The following HIRA variants were observed in gnomAD, a reference collection of about 807,000 sequenced individuals.
HIRA encodes histone cell cycle regulator, also known as protein HIRA.
In HIRA, 13 loss-of-function variants were observed where a neutral mutation model predicts 126.6. That is an observed-to-expected ratio of 0.10 (90% CI 0.07 to 0.16). The LOEUF (loss-of-function observed/expected upper bound fraction) is 0.16. Among genes scored for constraint, HIRA ranks in the 10% least tolerant of loss-of-function variants. The probability of loss-of-function intolerance (pLI) is 1.00; values close to 1 mark genes in which losing one functional copy is unlikely to be tolerated. For synonymous variants in HIRA, 511 were observed against 520.0 expected (o/e 0.98, Z 0.24); for missense variants, 834 against 1,314.4 (o/e 0.63, Z 5.65).
At chr22:19,431,306 G>T (rs1487191972) in intron 1 of HIRA, 134 bp downstream of exon 1, 1 of 1,003,534 alleles carries the variant, frequency 1.0e-6, no homozygotes, top group African/African-American at 1.6e-5. Context: ...GTCCGCTCCC[G>T]CCGGCTTCTT....
Position 19,408,505 on chromosome 22 carries a change from A to G in HIRA, c.189T>C (p.Leu63=). Reference sequence around the variant, plus strand: ...TACCTAAGTGATTGTCCATCTGGCAAAGCATCTTGGGAATATTTTCATCCT... The same window carrying G: ...TACCTAAGTGATTGTCCATCTGGCAGAGCATCTTGGGAATATTTTCATCCT... The part of the protein sequence containing the change: ...DEKDENIPKM[L]CQMDNHLACV... Residue 63 remains leucine, a synonymous_variant, in exon 3 of 25, where the codon CTT becomes CTC. Transcript: ENST00000263208. 1 of 1,612,190 alleles carries G rather than the reference A, an allele frequency of 6.2e-7. No homozygotes were observed. The highest frequency in any genetic ancestry group is 8.5e-7 in the Non-Finnish European group (1 of 1,178,182).
chr22:19,331,055 T>G lies in HIRA; in HGVS notation c.*385A>C, dbSNP rs2088478857. 2.0e-6 allele frequency: 2 copies of G among 981,028 alleles called. No homozygotes were observed. The highest frequency in any genetic ancestry group is 1.2e-4 in the East Asian group (2 of 16,382). The allele number at this position is 981,028 out of a possible 1,614,324, so 60.8% of individuals were successfully genotyped here. On this transcript the variant is annotated 3_prime_UTR_variant, in exon 25 of 25. Transcript: ENST00000263208. ...GCTGTAATACCTAACGCTTCCGGAT[T>G]CTCTCTCACAAATGGCTCAATCGTC... is the stretch of plus-strand genomic sequence containing the variant.
intron 19 of HIRA, 63 bp from the exon 20 acceptor site, chr22:19,356,351 G>T: frequency 6.9e-7 from 1 of 1,457,254 alleles, no homozygotes; most frequent in Non-Finnish European, 9.6e-7. Flanking sequence ...AGTGTGCCTT[G>T]GCTGCTCAGA....
intron 9 of HIRA, among the ~76,000 whole-genome samples, chr22:19,391,635 C>T (rs948207757): frequency 2.0e-5 from 3 of 152,078 alleles, no homozygotes; most frequent in African/African-American, 7.2e-5. Context: ...CGCCCACCAC[C>T]ACGCCCAGCT....
chr22:19,345,586 C>A (rs1601804087), intron 24 of HIRA, among the ~76,000 whole-genome samples: 1 of 152,256 alleles, frequency 6.6e-6, no homozygotes, highest in East Asian at 1.9e-4. Flanking sequence ...TAAAACTGTT[C>A]CACCTCAGAT....
At chr22:19,335,524 C>T (rs563315704) in intron 24 of HIRA, among the ~76,000 whole-genome samples, 7 of 152,286 alleles carry the variant, frequency 4.6e-5, no homozygotes, top group South Asian at 2.1e-4. Flanking sequence ...GGATTACAGG[C>T]GTGAGCCACC....
rs750547846 is a variant in HIRA at position 19,361,804 on chromosome 22, C to T, written c.1903G>A (p.Val635Ile). ...SLSKRKLELE[V>I]ETVEKKKKGR... ...TTCTTCTTCTTCTCTACTGTCTCTA[C>T]CTCAAGCTCAAGTTTTCGCTTGGAC... The change falls in exon 16 of 25, where the codon GTA (valine) becomes ATA (isoleucine). Residue 635 changes from valine to isoleucine, a missense_variant. By Grantham distance (29) the Val-to-Ile change is conservative (BLOSUM62 3). Coordinates refer to ENST00000263208, the MANE Select transcript of HIRA (RefSeq NM_003325.4). 5.0e-6 allele frequency: 8 copies of T among 1,614,132 alleles called. No individual in the cohort carries two copies. Among genetic ancestry groups the T allele is most frequent in the Non-Finnish European group, 6.8e-6 (8 of 1,180,040 alleles).
intron 15 of HIRA, among the ~76,000 whole-genome samples, chr22:19,372,632 C>T (rs1279483565): frequency 1.4e-5 from 2 of 146,488 alleles, no homozygotes; most frequent in South Asian, 2.1e-4. Context: ...AGTGAAGTGG[C>T]GTGATCTCTG....
chr22:19,364,831 G>C (rs1431178533), intron 15 of HIRA, among the ~76,000 whole-genome samples: 2 of 152,152 alleles, frequency 1.3e-5, no homozygotes, highest in Admixed American at 6.5e-5. Context: ...GCTTAAAGAG[G>C]AAGGCACATT....
At chr22:19,366,825 A>G (rs934055662) in intron 15 of HIRA, among the ~76,000 whole-genome samples, 2 of 152,194 alleles carry the variant, frequency 1.3e-5, no homozygotes, top group African/African-American at 2.4e-5. Flanking sequence ...CAGTGGCACA[A>G]TCTCAGCTCG....
intron 5 of HIRA, among the ~76,000 whole-genome samples, chr22:19,403,604 T>C (rs1482965925): frequency 6.6e-6 from 1 of 152,220 alleles, no homozygotes; most frequent in African/African-American, 2.4e-5. Context: ...AGAGCAGGAC[T>C]CTGTCTCAAG....
At chr22:19,422,259 T>C (rs534636451) in intron 1 of HIRA, among the ~76,000 whole-genome samples, 1 of 151,126 alleles carries the variant, frequency 6.6e-6, no homozygotes, top group South Asian at 2.1e-4. Flanking sequence ...ACATGTAATG[T>C]ATTACATAAA....
Position 19,378,069 on chromosome 22 carries a change from G to A in HIRA, c.1416-3C>T. On this transcript the variant is annotated splice_region_variant and splice_polypyrimidine_tract_variant and intron_variant, in intron 13 of 24. Coordinates refer to ENST00000263208, the MANE Select transcript of HIRA (RefSeq NM_003325.4). ...TAAAGAATGCCGTGGAGAAGTCCCT[G>A]TCATCAAGTAAGAACAAAAGTCAGC... 6.4e-7 allele frequency: 1 copy of A among 1,551,760 alleles called. No individual in the cohort carries two copies. Among genetic ancestry groups the A allele is most frequent in the Non-Finnish European group, 8.7e-7 (1 of 1,145,808 alleles).
At chr22:19,427,814 C>T (rs540162871) in intron 1 of HIRA, among the ~76,000 whole-genome samples, 6 of 152,272 alleles carry the variant, frequency 3.9e-5, no homozygotes, top group East Asian at 1.9e-4. Flanking sequence ...TGAATCTCAA[C>T]GAGATTTTCT....
At chr22:19,420,482 C>CAAAAAAAAAAAAAAAAAAAAAAAA (rs1569314116) in intron 1 of HIRA, among the ~76,000 whole-genome samples, 1 of 110,344 alleles carries the variant, frequency 9.1e-6, no homozygotes. Context: ...AAAAAAAAAA[C>CAAAAAAAAAAAAAAAAAAAAAAAA]CAAACCAAAA....
intron 13 of HIRA, among the ~76,000 whole-genome samples, chr22:19,380,262 A>G (rs2089060653): frequency 6.6e-6 from 1 of 152,268 alleles, no homozygotes; most frequent in African/African-American, 2.4e-5. Flanking sequence ...AACAATTTAA[A>G]AAGAAACAAA....
intron 15 of HIRA, among the ~76,000 whole-genome samples, chr22:19,365,391 C>T (rs2088903190): frequency 6.6e-6 from 1 of 152,190 alleles, no homozygotes; most frequent in Non-Finnish European, 1.5e-5. Context: ...TTTCAGAAGA[C>T]AGGCTGGTTA....
At chr22:19,401,248 G>A (rs985748446) in intron 5 of HIRA, among the ~76,000 whole-genome samples, 1 of 152,106 alleles carries the variant, frequency 6.6e-6, no homozygotes, top group Non-Finnish European at 1.5e-5. Flanking sequence ...TCAGCAATAA[G>A]CAATACGCTG....
At position 19,355,839 on chromosome 22, in the gene HIRA, A is replaced by G. The variant is rs1556012349; in HGVS notation, c.2482T>C (p.Leu828=). 1 of 1,613,668 alleles carries G rather than the reference A, an allele frequency of 6.2e-7. No individual in the cohort carries two copies. Among genetic ancestry groups the G allele is most frequent in the African/African-American group, 1.3e-5 (1 of 74,944 alleles). The change falls in exon 21 of 25, where the codon TTG becomes CTG. Residue 828 remains leucine (L), a synonymous_variant. Coordinates refer to ENST00000263208, the MANE Select transcript of HIRA (RefSeq NM_003325.4). ...ACTGGGATTCCATGCTGCGTCAGCA[A>G]GATCTGTGATACCGTCATATCACTT... ...AGSDMTVSQI[L]LTQHGIPVMN...
Sources: allele counts gnomAD v4.1 joint callset (sites outside exome capture counted in the v4.1 genomes callset), GRCh38; gene constraint gnomAD v4.1.1; transcripts MANE v1.5; gene names NCBI Gene and HGNC (gene_info 2026-07-23, HGNC 2026-07-21).